NRF1: variants seen among roughly 807,000 people sequenced by gnomAD.
NRF1 encodes the protein nuclear respiratory factor 1.
Under a neutral mutation model 58.5 loss-of-function variants are expected in NRF1, and 5 were observed. That is an observed-to-expected ratio of 0.09 (90% CI 0.04 to 0.18). The LOEUF (loss-of-function observed/expected upper bound fraction) is 0.18, where lower values mean the gene tolerates loss of function less well. NRF1 is among the 10% of genes least tolerant of loss of function. The pLI, the probability that NRF1 is intolerant of heterozygous loss-of-function variation, is 1.00. For missense variants in NRF1, 288 were observed against 657.7 expected, an observed-to-expected ratio of 0.44 and a Z score of 6.15; for synonymous variants, 224 against 246.7, an observed-to-expected ratio of 0.91 and a Z score of 0.86.
chr7:129,647,116 C>T (rs563701574), intron 1 of NRF1, among the ~76,000 whole-genome samples: 132 of 152,284 alleles, frequency 8.7e-4, no homozygotes, highest in Non-Finnish European at 1.2e-3. Flanking sequence ...TGGCTCACTG[C>T]AACCTCCGCC....
intron 10 of NRF1, among the ~76,000 whole-genome samples, chr7:129,737,230 G>C (rs1372224557): frequency 6.6e-6 from 1 of 152,208 alleles, no homozygotes; most frequent in African/African-American, 2.4e-5. Flanking sequence ...AATGGGACTA[G>C]ATTAGAAGCC....
At chr7:129,705,022 C>A (rs2116174479) in intron 5 of NRF1, among the ~76,000 whole-genome samples, 1 of 151,848 alleles carries the variant, frequency 6.6e-6, no homozygotes, top group South Asian at 2.1e-4. Context: ...ATCAGAATTA[C>A]CAATCAGTTG....
chr7:129,667,251 AC>A (rs1326100228), intron 2 of NRF1, among the ~76,000 whole-genome samples: 1 of 152,166 alleles, frequency 6.6e-6, no homozygotes, highest in African/African-American at 2.4e-5. Context: ...CATCGGTGTT[AC>A]CAGTCTTTTT....
chr7:129,664,152 G>T (rs1801868148), intron 2 of NRF1, among the ~76,000 whole-genome samples: 1 of 151,788 alleles, frequency 6.6e-6, no homozygotes, highest in Non-Finnish European at 1.5e-5. Context: ...GAGGGGGAAA[G>T]GGAGGGAGAG....
chr7:129,619,354 A>G (rs2151054527), intron 1 of NRF1, among the ~76,000 whole-genome samples: 1 of 143,328 alleles, frequency 7.0e-6, no homozygotes, highest in African/African-American at 2.6e-5. Flanking sequence ...ATCTATTAAA[A>G]AAAAAAAAAT....
At chr7:129,678,495 C>G (rs1406509115) in intron 4 of NRF1, among the ~76,000 whole-genome samples, 1 of 152,060 alleles carries the variant, frequency 6.6e-6, no homozygotes, top group Non-Finnish European at 1.5e-5. Context: ...GATCGAAATT[C>G]TGTTTGTTGT....
intron 8 of NRF1, among the ~76,000 whole-genome samples, chr7:129,716,838 C>T (rs1803202039): frequency 6.6e-6 from 1 of 150,656 alleles, no homozygotes; most frequent in Non-Finnish European, 1.5e-5. Context: ...CCATTGCACT[C>T]CGGCTTGGGC....
intron 3 of NRF1, among the ~76,000 whole-genome samples, chr7:129,677,392 T>C (rs1296184229): frequency 6.6e-6 from 1 of 152,154 alleles, no homozygotes; most frequent in African/African-American, 2.4e-5. Flanking sequence ...ATGTTCAAAA[T>C]TGTGTCATGG....
At chr7:129,659,574 A>C (rs2151076838) in intron 2 of NRF1, among the ~76,000 whole-genome samples, 1 of 152,242 alleles carries the variant, frequency 6.6e-6, no homozygotes, top group South Asian at 2.1e-4. Flanking sequence ...GTTTTCACTG[A>C]GTATGGAATT....
At chr7:129,666,863 T>C (rs1371727974) in intron 2 of NRF1, among the ~76,000 whole-genome samples, 1 of 152,106 alleles carries the variant, frequency 6.6e-6, no homozygotes, top group Non-Finnish European at 1.5e-5. Flanking sequence ...ATAATCAGGT[T>C]GTTTGTAATT....
chr7:129,753,083 C>G (rs1804161571), intron 10 of NRF1, among the ~76,000 whole-genome samples: 1 of 152,172 alleles, frequency 6.6e-6, no homozygotes. Flanking sequence ...AAAACTTACT[C>G]TTAGAAAAAA....
chr7:129,721,275 G>A lies in NRF1; in HGVS notation c.1223+3899G>A, dbSNP rs76585997. On this transcript the variant is annotated intron_variant, in intron 9 of 10. Transcript: ENST00000393232. The stretch of plus-strand genomic sequence containing the variant: ...TGTAGACTTACTCTACGTTTCTAAA[G>A]TAGTGGAAACTTACTTGATAGTATA... 1.0e-3 allele frequency among the ~76,000 whole-genome samples: 157 copies of A among 152,206 alleles called. 4 individuals carry two copies. In the East Asian group the frequency reaches 0.03, roughly 29 times the overall value.
intron 5 of NRF1, among the ~76,000 whole-genome samples, chr7:129,695,568 T>C (rs2151095445): frequency 7.3e-6 from 1 of 136,922 alleles, no homozygotes; most frequent in Non-Finnish European, 1.6e-5. Context: ...AGAGCAAGAC[T>C]CGATCTCAAA....
intron 9 of NRF1, among the ~76,000 whole-genome samples, chr7:129,721,640 C>A (rs565568959): frequency 6.6e-6 from 1 of 152,032 alleles, no homozygotes; most frequent in East Asian, 1.9e-4. Flanking sequence ...CACCACCACG[C>A]CCAGCTAATT....
chr7:129,752,345 T>C (rs1463168435), intron 10 of NRF1, among the ~76,000 whole-genome samples: 5 of 140,264 alleles, frequency 3.6e-5, no homozygotes, highest in African/African-American at 8.1e-5. Context: ...GGCTGATAGA[T>C]TGGGGGAACT....
chr7:129,652,972 A>G (rs558152561), intron 1 of NRF1, among the ~76,000 whole-genome samples: 13 of 152,368 alleles, frequency 8.5e-5, no homozygotes, highest in African/African-American at 2.9e-4. Flanking sequence ...ATACATAACA[A>G]TAAATTTACC....
chr7:129,622,169 GTTCT>G (rs1408334709), intron 1 of NRF1, among the ~76,000 whole-genome samples: 1 of 152,092 alleles, frequency 6.6e-6, no homozygotes, highest in Non-Finnish European at 1.5e-5. Context: ...TGATTTTCAT[GTTCT>G]TTCTTATACC....
At chr7:129,636,671 CTG>C (rs1443250310) in intron 1 of NRF1, among the ~76,000 whole-genome samples, 1 of 152,190 alleles carries the variant, frequency 6.6e-6, no homozygotes, top group Non-Finnish European at 1.5e-5. Flanking sequence ...TGTATCTTTT[CTG>C]TCTCTTTTCA....
At chr7:129,745,296 T>C (rs7794909) in intron 10 of NRF1, among the ~76,000 whole-genome samples, 138,598 of 152,182 alleles carry the variant, frequency 0.91, 63,144 homozygotes, top group East Asian at 0.93. Flanking sequence ...ACCCCTTGCC[T>C]TGCTCTGTAC....
Sources: allele counts gnomAD v4.1 joint callset (sites outside exome capture counted in the v4.1 genomes callset), GRCh38; gene constraint gnomAD v4.1.1; transcripts MANE v1.5; gene names NCBI Gene and HGNC (gene_info 2026-07-23, HGNC 2026-07-21).